Variants in LRRC4C observed in about 807,000 individuals in gnomAD.
LRRC4C encodes leucine-rich repeat-containing protein 4C.
In LRRC4C, 5 loss-of-function variants were observed where a neutral mutation model predicts 33.6. The ratio of observed to expected loss-of-function variants is 0.15; its 90% CI spans 0.08 to 0.31. The LOEUF is 0.31. Ranked by LOEUF, LRRC4C falls within the 10% of genes least tolerant of loss-of-function variation. The pLI is 1.00. For missense variants in LRRC4C, 560 were observed against 796.7 expected (o/e 0.70, Z 3.58); for synonymous variants, 329 against 302.0 (o/e 1.09, Z -0.93).
At chr11:41,397,555 T>C (rs1953867648) in intron 1 of LRRC4C, among the ~76,000 whole-genome samples, 1 of 151,880 alleles carries the variant, frequency 6.6e-6, no homozygotes, top group African/African-American at 2.4e-5. Flanking sequence ...TGGTCAGCAC[T>C]AGGCAATTAG....
At chr11:40,140,764 A>G (rs1275210706) in intron 6 of LRRC4C, 37 bp downstream of exon 6, 1 of 152,286 alleles carries the variant, frequency 6.6e-6, no homozygotes, top group Non-Finnish European at 1.5e-5. Context: ...AGTGTTCAGC[A>G]TACTGTGGGA....
chr11:41,205,034 A>G (rs1946542894), intron 1 of LRRC4C, among the ~76,000 whole-genome samples: 1 of 152,190 alleles, frequency 6.6e-6, no homozygotes, highest in Admixed American at 6.5e-5. Context: ...TGGAGATCCC[A>G]GGTAAAAATG....
intron 5 of LRRC4C, among the ~76,000 whole-genome samples, chr11:40,147,741 CTT>C (rs1420024849): frequency 6.6e-6 from 1 of 151,532 alleles, no homozygotes; most frequent in Non-Finnish European, 1.5e-5. Context: ...TTTTCTTTTT[CTT>C]TTTATGTAAC....
At chr11:40,865,429 G>T (rs963500894) in intron 2 of LRRC4C, among the ~76,000 whole-genome samples, 1 of 151,678 alleles carries the variant, frequency 6.6e-6, no homozygotes, top group African/African-American at 2.4e-5. Context: ...TAAACAAAAT[G>T]TTAAGTATTC....
intron 3 of LRRC4C, among the ~76,000 whole-genome samples, chr11:40,390,401 C>T (rs1239728205): frequency 6.6e-6 from 1 of 152,156 alleles, no homozygotes; most frequent in Non-Finnish European, 1.5e-5. Flanking sequence ...TTAAACTTAA[C>T]TAATTATCTC....
At chr11:40,368,416 C>A (rs951507517) in intron 3 of LRRC4C, among the ~76,000 whole-genome samples, 4 of 152,178 alleles carry the variant, frequency 2.6e-5, no homozygotes, top group Admixed American at 6.5e-5. Context: ...TCTCATAGTA[C>A]CATGAACCTT....
intron 3 of LRRC4C, among the ~76,000 whole-genome samples, chr11:40,538,892 G>T (rs963050768): frequency 6.6e-6 from 1 of 152,166 alleles, no homozygotes; most frequent in Non-Finnish European, 1.5e-5. Context: ...CTGATGGCCA[G>T]TGATGATGAG....
chr11:41,130,254 A>G (rs563228113), intron 1 of LRRC4C, among the ~76,000 whole-genome samples: 47 of 151,976 alleles, frequency 3.1e-4, no homozygotes, highest in Admixed American at 2.0e-4. Flanking sequence ...GCTAATTCCT[A>G]TGTTCTAGCT....
At chr11:41,199,931 T>G (rs1946337606) in intron 1 of LRRC4C, among the ~76,000 whole-genome samples, 1 of 152,110 alleles carries the variant, frequency 6.6e-6, no homozygotes, top group Non-Finnish European at 1.5e-5. Context: ...ATCTTAAACA[T>G]GAATAAGCCA....
chr11:40,780,684 T>C (rs1950177466), intron 2 of LRRC4C, among the ~76,000 whole-genome samples: 1 of 152,112 alleles, frequency 6.6e-6, no homozygotes, highest in East Asian at 1.9e-4. Context: ...ATTTAGAAAG[T>C]ATCCTTTGAA....
At position 40,251,427 on chromosome 11, in the gene LRRC4C, ACTC is replaced by A. The variant is rs570486965; in HGVS notation, c.-175-9832_-175-9830del. ...GTACACAGAAGTTCCTTTTGTGCCCACTCCTCCTCTAAATAGCTACATGTACAG... is the reference window on the plus strand; with the variant it reads ...GTACACAGAAGTTCCTTTTGTGCCCACTCCTCTAAATAGCTACATGTACAG... On this transcript the variant is annotated intron_variant, in intron 4 of 6. Transcript: ENST00000528697. Among the ~76,000 whole-genome samples, 208 of 151,906 alleles carry A rather than the reference ACTC, an allele frequency of 1.4e-3. 2 individuals are homozygous for A. Among genetic ancestry groups the A allele is most frequent in the African/African-American group, 4.8e-3 (199 of 41,390 alleles).
At chr11:40,638,724 C>T (rs1941918880) in intron 3 of LRRC4C, among the ~76,000 whole-genome samples, 1 of 148,790 alleles carries the variant, frequency 6.7e-6, no homozygotes, top group Non-Finnish European at 1.5e-5. Context: ...AGCTCAGGGT[C>T]TAATCCATAG....
At chr11:40,423,024 C>A (rs181653867) in intron 3 of LRRC4C, among the ~76,000 whole-genome samples, 8 of 152,100 alleles carry the variant, frequency 5.3e-5, no homozygotes, top group Admixed American at 2.0e-4. Flanking sequence ...TTACTATTAC[C>A]TATGTCTATT....
At chr11:40,890,530 T>C (rs551608569) in intron 2 of LRRC4C, among the ~76,000 whole-genome samples, 4 of 152,206 alleles carry the variant, frequency 2.6e-5, no homozygotes, top group Non-Finnish European at 5.9e-5. Flanking sequence ...ATATAAAATT[T>C]TGGAGACGTA....
chr11:40,715,606 T>C (rs545568961), intron 2 of LRRC4C, among the ~76,000 whole-genome samples: 63 of 152,318 alleles, frequency 4.1e-4, no homozygotes, highest in Admixed American at 7.8e-4. Context: ...TGTTCATAAG[T>C]GAAATTTGTA....
chr11:40,600,048 A>C (rs1444874159), intron 3 of LRRC4C, among the ~76,000 whole-genome samples: 1 of 152,200 alleles, frequency 6.6e-6, no homozygotes, highest in African/African-American at 2.4e-5. Flanking sequence ...AGGAATGAAC[A>C]CTGATGCTCA....
At chr11:41,155,319 A>T (rs957069720) in intron 1 of LRRC4C, among the ~76,000 whole-genome samples, 4 of 152,132 alleles carry the variant, frequency 2.6e-5, no homozygotes, top group South Asian at 2.1e-4. Context: ...AGGAGACTTC[A>T]CTTGAAGTTC....
chr11:40,455,879 G>A (rs929272763), intron 3 of LRRC4C, among the ~76,000 whole-genome samples: 3 of 151,938 alleles, frequency 2.0e-5, no homozygotes, highest in African/African-American at 7.3e-5. Context: ...ATTTTAAACT[G>A]CATGGAGATG....
chr11:41,093,054 G>A (rs541758654), intron 1 of LRRC4C, among the ~76,000 whole-genome samples: 6 of 152,148 alleles, frequency 3.9e-5, no homozygotes, highest in South Asian at 4.1e-4. Flanking sequence ...ATGTTTCTTC[G>A]AAAATATACA....
Sources: gnomAD v4.1 joint callset for allele counts (sites outside exome capture counted in the v4.1 genomes callset) on GRCh38, gnomAD v4.1.1 for gene constraint, MANE v1.5 for transcripts, NCBI Gene and HGNC (gene_info 2026-07-23, HGNC 2026-07-21) for gene names.